GC: variants seen among roughly 807,000 people sequenced by gnomAD.
GC encodes GC vitamin D binding protein, also known as vitamin D-binding protein.
GC carries 43 observed loss-of-function variants against 56.7 expected under a neutral mutation model. The observed-to-expected ratio is 0.76, with a 90% CI of 0.59 to 0.98. The LOEUF (loss-of-function observed/expected upper bound fraction) is 0.98. Ranked by LOEUF, GC falls within the 50% of genes least tolerant of loss-of-function variation. GC has a pLI of 0.00. For missense variants in GC, 529 were observed against 545.9 expected, an observed-to-expected ratio of 0.97 and a Z score of 0.31; for synonymous variants, 216 against 202.7, an observed-to-expected ratio of 1.07 and a Z score of -0.56.
intron 1 of GC, among the ~76,000 whole-genome samples, chr4:71,773,287 A>G (rs1271751524): frequency 6.6e-6 from 1 of 152,060 alleles, no homozygotes; most frequent in Non-Finnish European, 1.5e-5. Context: ...CTGCAATAGC[A>G]TGTTTCACTT....
chr4:71,753,640 C>T (rs1441978549), intron 10 of GC, among the ~76,000 whole-genome samples: 1 of 152,100 alleles, frequency 6.6e-6, no homozygotes, highest in Non-Finnish European at 1.5e-5. Context: ...CTGTTAATGT[C>T]TATTTATAGA....
chr4:71,747,750 G>C (rs917190088), intron 11 of GC, among the ~76,000 whole-genome samples: 1 of 151,638 alleles, frequency 6.6e-6, no homozygotes, highest in African/African-American at 2.4e-5. Context: ...AGCTAGAGAG[G>C]TGTCTAAAGT....
chr4:71,797,962 G>T (rs1208447126), intron 1 of GC, among the ~76,000 whole-genome samples: 1 of 152,090 alleles, frequency 6.6e-6, no homozygotes, highest in Non-Finnish European at 1.5e-5. Flanking sequence ...TAAAACTTTA[G>T]TTACACATAT....
intron 12 of GC, among the ~76,000 whole-genome samples, chr4:71,745,722 A>G (rs1028688952): frequency 1.3e-5 from 2 of 152,204 alleles, no homozygotes; most frequent in African/African-American, 4.8e-5. Context: ...GAAAAAAGCA[A>G]GTAATAATAT....
chr4:71,767,903 A>G (rs1343712759), intron 3 of GC, among the ~76,000 whole-genome samples: 1 of 152,152 alleles, frequency 6.6e-6, no homozygotes, highest in South Asian at 2.1e-4. Flanking sequence ...AAGTGAGAAC[A>G]TACGATATTT....
chr4:71,802,564 G>A (rs1334475468), intron 1 of GC, among the ~76,000 whole-genome samples: 3 of 152,170 alleles, frequency 2.0e-5, no homozygotes, highest in African/African-American at 7.2e-5. Flanking sequence ...AATGTCATAA[G>A]TTGAAAATGC....
At chr4:71,785,170 G>T (rs981176637), upstream of GC, among the ~76,000 whole-genome samples, 1 of 151,722 alleles carries the variant, frequency 6.6e-6, no homozygotes, top group South Asian at 2.1e-4. Context: ...ACACAACATT[G>T]CTATGAGGTT....
intron 3 of GC, among the ~76,000 whole-genome samples, chr4:71,768,098 C>T (rs1158743112): frequency 2.0e-5 from 3 of 152,166 alleles, no homozygotes; most frequent in Non-Finnish European, 4.4e-5. Flanking sequence ...CCAGTTTTCT[C>T]ATTTGAACCT....
chr4:71,784,089 T>C (rs776963212), upstream of GC: 1 of 1,545,944 alleles, frequency 6.5e-7, no homozygotes, highest in African/African-American at 1.4e-5. Context: ...TAGCCAAAAG[T>C]AATTGGTTTC....
At chr4:71,769,628 A>G in intron 1 of GC, 1 of 473,360 alleles carries the variant, frequency 2.1e-6, no homozygotes, top group Non-Finnish European at 3.9e-6. Flanking sequence ...AAAAGGAGAG[A>G]GTAAACTAAT....
chr4:71,784,012 T>G lies in GC; in HGVS notation c.7A>C (p.Arg3=), dbSNP rs1742767738. 6.2e-7 allele frequency: 1 copy of G among 1,603,752 alleles called. No homozygotes were observed. Among genetic ancestry groups the G allele is most frequent in the East Asian group, 2.2e-5 (1 of 44,602 alleles). MK[R]VLVLLLAVAF... Reference sequence around the variant, plus strand: ...ACAGCAAGCAGTAGTACCAGGACCCTCTTCATTTTTCTACCAGAGAGTCTT... The same window carrying G: ...ACAGCAAGCAGTAGTACCAGGACCCGCTTCATTTTTCTACCAGAGAGTCTT... Residue 3 remains arginine, a synonymous_variant, in exon 1 of 13, where the codon AGG becomes CGG. Transcript: ENST00000273951.
chr4:71,804,049 G>A (rs551494562), upstream of GC: 59 of 773,612 alleles, frequency 7.6e-5, no homozygotes, highest in Admixed American at 2.0e-4. Flanking sequence ...AGTGAAAAGA[G>A]CATCAACGTT....
chr4:71,784,079 T>C lies in GC; in HGVS notation c.-61A>G. 2 of 1,551,342 alleles carry C rather than the reference T, an allele frequency of 1.3e-6. No individual in the cohort carries two copies. The highest frequency in any genetic ancestry group is 1.7e-6 in the Non-Finnish European group (2 of 1,153,898). On this transcript the variant is annotated 5_prime_UTR_variant, in exon 1 of 13. Coordinates refer to ENST00000273951, the MANE Select transcript of GC (RefSeq NM_000583.4). ...CCTGTAGGTGACCATGTAAAAGTGG[T>C]AGCCAAAAGTAATTGGTTTCCTTTT...
chr4:71,795,148 G>A (rs1374223122), intron 1 of GC, among the ~76,000 whole-genome samples: 1 of 152,148 alleles, frequency 6.6e-6, no homozygotes, highest in Non-Finnish European at 1.5e-5. Context: ...ATTTGGGGTG[G>A]AGAGTTCTGT....
intron 1 of GC, among the ~76,000 whole-genome samples, chr4:71,779,399 G>C (rs1742605713): frequency 6.6e-6 from 1 of 151,830 alleles, no homozygotes; most frequent in Non-Finnish European, 1.5e-5. Context: ...TGGACTTGGA[G>C]TAGATGCCTG....
chr4:71,758,609 C>T (rs1231266510), intron 6 of GC, among the ~76,000 whole-genome samples: 2 of 152,096 alleles, frequency 1.3e-5, no homozygotes, highest in South Asian at 2.1e-4. Flanking sequence ...CAAATGTTCA[C>T]ATTTTGGGTG....
rs185124845 is a variant in GC, at chr4:71,778,050, A to C, written c.58+5911T>G. The stretch of plus-strand genomic sequence containing the variant: ...AAAGTTTATATATATATAAAAAAAA[A>C]CAAAATAAAACCCACATAGGAATTC... On this transcript the variant is annotated intron_variant, in intron 1 of 12. Transcript: ENST00000273951. 6.1e-3 allele frequency among the ~76,000 whole-genome samples: 928 copies of C among 151,398 alleles called. 23 individuals are homozygous for C. The highest frequency in any genetic ancestry group is 2.9e-3 in the Non-Finnish European group (197 of 67,822).
intron 1 of GC, among the ~76,000 whole-genome samples, chr4:71,802,841 T>C (rs903970075): frequency 1.3e-5 from 2 of 152,170 alleles, no homozygotes; most frequent in East Asian, 3.9e-4. Flanking sequence ...TTGAAAACAT[T>C]GTAAGTCAAA....
At chr4:71,788,880 T>G (rs1742906905), upstream of GC, among the ~76,000 whole-genome samples, 1 of 151,950 alleles carries the variant, frequency 6.6e-6, no homozygotes. Flanking sequence ...TAGTCATAAC[T>G]AGTTAACTGT....
Sources: allele counts gnomAD v4.1 joint callset (sites outside exome capture counted in the v4.1 genomes callset), GRCh38; gene constraint gnomAD v4.1.1; transcripts MANE v1.5; gene names NCBI Gene and HGNC (gene_info 2026-07-23, HGNC 2026-07-21).